EIF4G3: variants seen among roughly 807,000 people sequenced by gnomAD.
EIF4G3 encodes eIF-4-gamma 3.
EIF4G3 carries 34 observed loss-of-function variants against 186.4 expected under a neutral mutation model. The ratio of observed to expected loss-of-function variants is 0.18; its 90% CI spans 0.14 to 0.24. EIF4G3 has a LOEUF of 0.24. Among genes scored for constraint, EIF4G3 ranks in the 10% least tolerant of loss-of-function variants. The pLI, the probability that EIF4G3 is intolerant of heterozygous loss-of-function variation, is 1.00. For synonymous variants in EIF4G3, 673 were observed against 679.5 expected, an observed-to-expected ratio of 0.99 and a Z score of 0.15; for missense variants, 1,536 against 1,948.5, an observed-to-expected ratio of 0.79 and a Z score of 3.99.
rs746854881 is a variant in EIF4G3 at position 20,941,693 on chromosome 1, A to G, written c.1461T>C (p.Ile487=). 1 of 1,613,160 alleles carries G rather than the reference A, an allele frequency of 6.2e-7. No individual in the cohort carries two copies. Among genetic ancestry groups the G allele is most frequent in the Admixed American group, 1.7e-5 (1 of 59,896 alleles). ...PPASPPHTPV[I]VPAAATTVSS... ...TAACAGTAGTGGCAGCAGCAGGAACAATGACTGGAGTGTGAGGAGGAGAAG... is the reference window on the plus strand; with the variant it reads ...TAACAGTAGTGGCAGCAGCAGGAACGATGACTGGAGTGTGAGGAGGAGAAG... Residue 487 remains isoleucine, a synonymous_variant, in exon 14 of 37, where the codon ATT becomes ATC. Coordinates refer to ENST00000602326, the MANE Select transcript of EIF4G3 (RefSeq NM_001391906.1).
At chr1:21,142,402 G>A (rs2097356544) in intron 2 of EIF4G3, among the ~76,000 whole-genome samples, 1 of 152,088 alleles carries the variant, frequency 6.6e-6, no homozygotes, top group African/African-American at 2.4e-5. Flanking sequence ...AGCTACTCAG[G>A]AGGCTGAGGT....
chr1:21,078,685 C>A (rs2095664204), intron 3 of EIF4G3, among the ~76,000 whole-genome samples: 1 of 152,130 alleles, frequency 6.6e-6, no homozygotes, highest in Admixed American at 6.6e-5. Flanking sequence ...TACTTGCATG[C>A]ATCAAAATAA....
intron 13 of EIF4G3, among the ~76,000 whole-genome samples, chr1:20,945,022 A>G (rs535538612): frequency 1.2e-3 from 186 of 152,320 alleles, no homozygotes; most frequent in Admixed American, 2.7e-3. Flanking sequence ...ACAAAACAAA[A>G]CAAAACAAAA....
intron 2 of EIF4G3, among the ~76,000 whole-genome samples, chr1:21,102,881 A>G (rs951101565): frequency 4.6e-5 from 7 of 152,224 alleles, no homozygotes; most frequent in African/African-American, 1.7e-4. Context: ...AAATTAACGT[A>G]TCCATCCATA....
intron 4 of EIF4G3, among the ~76,000 whole-genome samples, chr1:21,006,673 T>C (rs1381807007): frequency 2.0e-5 from 3 of 152,200 alleles, no homozygotes; most frequent in African/African-American, 7.2e-5. Context: ...GGTGTACATA[T>C]AACCCTTAAA....
rs67864326 is a variant in EIF4G3 at position 20,807,755 on chromosome 1, GTTTTTTTTTTTTTTTTT to G, written c.4745-272_4745-256del. On this transcript the variant is annotated intron_variant, in intron 36 of 36. Coordinates refer to ENST00000602326, the MANE Select transcript of EIF4G3 (RefSeq NM_001391906.1). ...TTTGTACAATTTGAACTTTTTTTCTGTTTTTTTTTTTTTTTTTTTTTTTTTTGAGAGACAATCTTGTT... is the reference window on the plus strand; with the variant it reads ...TTTGTACAATTTGAACTTTTTTTCTGTTTTTTTTTGAGAGACAATCTTGTT... 5.8e-4 allele frequency among the ~76,000 whole-genome samples: 37 copies of G among 63,878 alleles called. 1 individual carries two copies. Among genetic ancestry groups the G allele is most frequent in the African/African-American group, 2.2e-3 (35 of 16,246 alleles). 41.9% of individuals were successfully genotyped at this position (63,878 alleles called of 152,430 possible). A position where few individuals can be genotyped will look rare whatever the true frequency, so the allele number is the denominator to read the frequency against.
rs191019710 is a variant in EIF4G3, at chr1:21,066,372, A to G, written c.-195-15378T>C. On this transcript the variant is annotated intron_variant, in intron 3 of 36. Coordinates refer to ENST00000602326, the MANE Select transcript of EIF4G3 (RefSeq NM_001391906.1). ...AACAAATGCTTATTGAACAAAGAAT[A>G]ACAATATACCATTGATTTTACATTA... 4.5e-3 allele frequency among the ~76,000 whole-genome samples: 689 copies of G among 152,256 alleles called. 5 individuals are homozygous for G. The highest frequency in any genetic ancestry group is 0.016 in the African/African-American group (654 of 41,560).
intron 2 of EIF4G3, among the ~76,000 whole-genome samples, chr1:21,106,354 A>G (rs2096618056): frequency 6.6e-6 from 1 of 152,168 alleles, no homozygotes. Flanking sequence ...AGTGGCCTAG[A>G]AGACAGTAGG....
chr1:21,110,701 G>A (rs1428108175), intron 2 of EIF4G3, among the ~76,000 whole-genome samples: 1 of 151,610 alleles, frequency 6.6e-6, no homozygotes, highest in Non-Finnish European at 1.5e-5. Context: ...AAAGTGCTTG[G>A]GATTACAGGT....
In EIF4G3 at chr1:21,044,025, A is replaced by G. The variant is rs139423816; in HGVS notation, c.-67+6841T>C. On this transcript the variant is annotated intron_variant, in intron 4 of 36. Coordinates refer to ENST00000602326, the MANE Select transcript of EIF4G3 (RefSeq NM_001391906.1). ...GACCAAAAGAGCTGAACACTCTTCC[A>G]ATCAAGTATCACATTAAAATAAATC... Among the ~76,000 whole-genome samples, 31 of 152,346 alleles carry G rather than the reference A, an allele frequency of 2.0e-4. No homozygotes were observed. The East Asian group carries it at 5.6e-3, about 27-fold the overall frequency.
chr1:21,142,278 C>T (rs1301628482), intron 2 of EIF4G3, among the ~76,000 whole-genome samples: 1 of 151,244 alleles, frequency 6.6e-6, no homozygotes, highest in African/African-American at 2.4e-5. Flanking sequence ...GGTGGGTGGA[C>T]TGCTTGAGCC....
At chr1:20,907,824 T>C (rs1481395944) in intron 14 of EIF4G3, among the ~76,000 whole-genome samples, 3 of 152,124 alleles carry the variant, frequency 2.0e-5, no homozygotes, top group Non-Finnish European at 4.4e-5. Flanking sequence ...TCCAAGTCTT[T>C]GCTATTGTGA....
chr1:21,143,945 TA>T (rs2102696886), intron 2 of EIF4G3, among the ~76,000 whole-genome samples: 2 of 152,226 alleles, frequency 1.3e-5, no homozygotes, highest in African/African-American at 4.8e-5. Flanking sequence ...AACTTATTTA[TA>T]AAAGAAATGA....
Position 21,078,415 on chromosome 1 carries a change from T to TA in EIF4G3, c.-196+10722dup, listed in dbSNP as rs551050388. On this transcript the variant is annotated intron_variant, in intron 3 of 36. Coordinates refer to ENST00000602326, the MANE Select transcript of EIF4G3 (RefSeq NM_001391906.1). ...TAAAAAAAAATTCATCTCATGTAGG[T>TA]ACAGAGTAGAATGATGGTTACCAGA... 1.1e-4 allele frequency among the ~76,000 whole-genome samples: 17 copies of TA among 152,266 alleles called. No homozygotes were observed. The South Asian group carries it at 2.1e-3, about 19-fold the overall frequency.
chr1:21,020,353 G>A (rs1398903990), intron 4 of EIF4G3, among the ~76,000 whole-genome samples: 1 of 152,152 alleles, frequency 6.6e-6, no homozygotes, highest in Non-Finnish European at 1.5e-5. Context: ...ACCCAGGCAT[G>A]GTGGTGCATG....
chr1:20,861,654 G>C (rs1365348189), intron 23 of EIF4G3, among the ~76,000 whole-genome samples: 1 of 152,198 alleles, frequency 6.6e-6, no homozygotes, highest in Non-Finnish European at 1.5e-5. Flanking sequence ...CATTTGAATG[G>C]AGTTTGAATT....
At chr1:21,004,797 T>C (rs1276105879) in intron 4 of EIF4G3, among the ~76,000 whole-genome samples, 2 of 152,088 alleles carry the variant, frequency 1.3e-5, no homozygotes, top group Non-Finnish European at 2.9e-5. Context: ...TTCTTTTTCT[T>C]TTTTTTAATG....
chr1:21,090,054 T>C (rs138634031), intron 2 of EIF4G3, among the ~76,000 whole-genome samples: 3 of 152,302 alleles, frequency 2.0e-5, no homozygotes, highest in African/African-American at 7.2e-5. Flanking sequence ...ATCCAGAACA[T>C]GCTGATTTTT....
intron 20 of EIF4G3, among the ~76,000 whole-genome samples, chr1:20,877,940 T>C (rs1272964493): frequency 6.6e-6 from 1 of 152,136 alleles, no homozygotes; most frequent in African/African-American, 2.4e-5. Context: ...GCCTCCTGAG[T>C]TCAAGTGATT....
Sources: allele counts gnomAD v4.1 joint callset (sites outside exome capture counted in the v4.1 genomes callset), GRCh38; gene constraint gnomAD v4.1.1; transcripts MANE v1.5; gene names NCBI Gene and HGNC (gene_info 2026-07-23, HGNC 2026-07-21).